The following GLCCI1 variants were observed in gnomAD, a reference collection of about 807,000 sequenced individuals.
The protein encoded by GLCCI1 is glucocorticoid-induced transcript 1 protein.
A neutral mutation model predicts 52.2 loss-of-function variants in GLCCI1; 24 were observed. That is an observed-to-expected ratio of 0.46 (90% CI 0.33 to 0.65). GLCCI1 has a LOEUF of 0.65. Among genes scored for constraint, GLCCI1 ranks in the 30% least tolerant of loss-of-function variants. GLCCI1 has a pLI of 0.02. For missense variants in GLCCI1, 704 were observed against 701.5 expected (o/e 1.00, Z -0.04); for synonymous variants, 310 against 276.5 (o/e 1.12, Z -1.20).
chr7:7,998,692 C>T (rs1780994630), intron 1 of GLCCI1, among the ~76,000 whole-genome samples: 1 of 152,124 alleles, frequency 6.6e-6, no homozygotes, highest in South Asian at 2.1e-4. Context: ...GTTCTTATTG[C>T]CATGGCCAGA....
At chr7:8,066,043 G>A (rs1782624139) in intron 5 of GLCCI1, among the ~76,000 whole-genome samples, 2 of 152,210 alleles carry the variant, frequency 1.3e-5, no homozygotes, top group South Asian at 4.2e-4. Flanking sequence ...GCTCTTTCTG[G>A]TTGGTAGGCT....
At chr7:8,056,981 C>A (rs1247975482) in intron 4 of GLCCI1, among the ~76,000 whole-genome samples, 1 of 151,962 alleles carries the variant, frequency 6.6e-6, no homozygotes, top group East Asian at 1.9e-4. Flanking sequence ...TTTAGAAAAT[C>A]AAAGTGAATT....
chr7:8,010,691 A>G (rs1781246463), intron 2 of GLCCI1, among the ~76,000 whole-genome samples: 1 of 152,228 alleles, frequency 6.6e-6, no homozygotes, highest in Admixed American at 6.5e-5. Context: ...TCCATAATAT[A>G]GAAGGACATG....
At chr7:8,056,148 A>C (rs1051040445) in intron 4 of GLCCI1, among the ~76,000 whole-genome samples, 1 of 151,864 alleles carries the variant, frequency 6.6e-6, no homozygotes, top group Non-Finnish European at 1.5e-5. Context: ...AAATACAAAA[A>C]AATTAGCCAG....
chr7:8,087,334 G>A lies in GLCCI1; in HGVS notation c.*796G>A, dbSNP rs1783137591. On this transcript the variant is annotated 3_prime_UTR_variant, in exon 8 of 8. Coordinates refer to ENST00000223145, the MANE Select transcript of GLCCI1 (RefSeq NM_138426.4). The stretch of plus-strand genomic sequence containing the variant: ...AAGTAAAACAACTGTTGCATTCACT[G>A]TTTCAACATGTGTACATGTGGCTTT... 2 of 152,616 alleles carry A rather than the reference G, an allele frequency of 1.3e-5. No homozygotes were observed. Among genetic ancestry groups the A allele is most frequent in the African/African-American group, 2.4e-5 (1 of 41,432 alleles). The allele number at this position is 152,616 out of a possible 1,614,324, so 9.5% of individuals were successfully genotyped here. A position where few individuals can be genotyped will look rare whatever the true frequency, so the allele number is the denominator to read the frequency against.
chr7:7,987,014 A>G (rs989118360), intron 1 of GLCCI1, among the ~76,000 whole-genome samples: 1 of 152,118 alleles, frequency 6.6e-6, no homozygotes, highest in Non-Finnish European at 1.5e-5. Context: ...GTCTTTTCCC[A>G]TGCCAGTTGT....
intron 7 of GLCCI1, 124 bp downstream of exon 7, chr7:8,085,141 G>C: frequency 9.3e-7 from 1 of 1,076,880 alleles, no homozygotes; most frequent in South Asian, 1.6e-5. Context: ...AGCAAATTAT[G>C]TAAAGAGAAT....
At chr7:8,023,217 G>A (rs1170084902) in intron 3 of GLCCI1, among the ~76,000 whole-genome samples, 2 of 152,068 alleles carry the variant, frequency 1.3e-5, no homozygotes, top group African/African-American at 2.4e-5. Context: ...CGGTTTCACT[G>A]TGTTAGCCAG....
chr7:7,984,743 C>CA (rs1780689515), intron 1 of GLCCI1, among the ~76,000 whole-genome samples: 1 of 152,138 alleles, frequency 6.6e-6, no homozygotes. Flanking sequence ...TGAGATTTAG[C>CA]AAAATTAATA....
chr7:8,046,344 C>T (rs575974821), intron 3 of GLCCI1, among the ~76,000 whole-genome samples: 1 of 152,276 alleles, frequency 6.6e-6, no homozygotes, highest in South Asian at 2.1e-4. Context: ...TGAAAGTTAA[C>T]CTGAAAGACT....
At chr7:8,002,363 T>A (rs2115425701) in intron 1 of GLCCI1, among the ~76,000 whole-genome samples, 1 of 152,276 alleles carries the variant, frequency 6.6e-6, no homozygotes, top group Admixed American at 6.5e-5. Flanking sequence ...TTATAAAAAA[T>A]GACCATGCTT....
intron 6 of GLCCI1, among the ~76,000 whole-genome samples, chr7:8,079,609 C>T (rs915887688): frequency 6.6e-6 from 1 of 151,472 alleles, no homozygotes; most frequent in African/African-American, 2.4e-5. Flanking sequence ...TGTTGTTCTG[C>T]ATATCAAGAT....
At chr7:8,054,026 C>A (rs1782328539) in intron 3 of GLCCI1, among the ~76,000 whole-genome samples, 1 of 152,070 alleles carries the variant, frequency 6.6e-6, no homozygotes, top group African/African-American at 2.4e-5. Context: ...TAATATTTAT[C>A]AATTTTAAGA....
intron 3 of GLCCI1, among the ~76,000 whole-genome samples, chr7:8,029,129 C>T (rs1406942809): frequency 1.3e-5 from 2 of 152,104 alleles, no homozygotes; most frequent in African/African-American, 4.8e-5. Context: ...GCTACCAAAA[C>T]CAGACAAAGA....
In GLCCI1 at chr7:7,969,830, C is replaced by G; in HGVS notation, c.457+23C>G. 7.1e-7 allele frequency: 1 copy of G among 1,417,566 alleles called. No individual in the cohort carries two copies. The highest frequency in any genetic ancestry group is 9.2e-7 in the Non-Finnish European group (1 of 1,083,212). 87.8% of individuals were successfully genotyped at this position (1,417,566 alleles called of 1,614,324 possible). A position where few individuals can be genotyped will look rare whatever the true frequency, so the allele number is the denominator to read the frequency against. On this transcript the variant is annotated intron_variant, in intron 1 of 7. Coordinates refer to ENST00000223145, the MANE Select transcript of GLCCI1 (RefSeq NM_138426.4). The surrounding 1 kb of genome is among the most constrained non-coding windows in gnomAD (Gnocchi z 4.9). ...GAGGTAGCGAGCCCAACCCTCCCGT[C>G]CTCCCGGGCTGCGTCTCCCCGACGG...
chr7:8,036,317 C>T (rs567315238), intron 3 of GLCCI1, among the ~76,000 whole-genome samples: 7 of 152,166 alleles, frequency 4.6e-5, no homozygotes, highest in Non-Finnish European at 1.0e-4. Flanking sequence ...CTCATAGAAA[C>T]TTTGCTTTCA....
intron 6 of GLCCI1, among the ~76,000 whole-genome samples, chr7:8,082,930 GAAGACTGTGGCCAAGATGAC>G (rs1440600839): frequency 1.3e-5 from 2 of 152,132 alleles, no homozygotes; most frequent in Non-Finnish European, 2.9e-5. Context: ...AAAGAACACA[GAAGACTGTGGCCAAGATGAC>G]TTTTCTTACG....
chr7:8,002,060 C>T (rs190327449), intron 1 of GLCCI1, among the ~76,000 whole-genome samples: 42 of 151,624 alleles, frequency 2.8e-4, no homozygotes, highest in Admixed American at 1.9e-3. Flanking sequence ...CAAATCTGCA[C>T]ATTGTGCACA....
At chr7:8,083,432 T>C (rs1783038820) in intron 6 of GLCCI1, among the ~76,000 whole-genome samples, 1 of 152,180 alleles carries the variant, frequency 6.6e-6, no homozygotes, top group South Asian at 2.1e-4. Context: ...CTAGCTTAAA[T>C]AGGGCAGCAA....
Sources: allele counts gnomAD v4.1 joint callset (sites outside exome capture counted in the v4.1 genomes callset), GRCh38; gene constraint gnomAD v4.1.1; non-coding constraint Gnocchi (gnomAD v3.1); transcripts MANE v1.5; gene names NCBI Gene and HGNC (gene_info 2026-07-23, HGNC 2026-07-21).